The following PRKX variants were observed in gnomAD, a reference collection of about 807,000 sequenced individuals.
PRKX encodes the protein protein kinase cAMP-dependent X-linked catalytic subunit, also known as cAMP-dependent protein kinase catalytic subunit PRKX.
In PRKX, 12 loss-of-function variants were observed where a neutral mutation model predicts 22.0. The observed-to-expected ratio is 0.54, with a 90% confidence interval of 0.35 to 0.88. The LOEUF (loss-of-function observed/expected upper bound fraction) is 0.88, where lower values mean the gene tolerates loss of function less well. PRKX is among the 40% of genes least tolerant of loss of function. The pLI, the probability that PRKX is intolerant of heterozygous loss-of-function variation, is 0.01. For synonymous variants in PRKX, 134 were observed against 137.7 expected, an observed-to-expected ratio of 0.97 and a Z score of 0.19; for missense variants, 217 against 308.0, an observed-to-expected ratio of 0.70 and a Z score of 2.21.
chrX:3,706,391 A>G (rs755485354), intron 1 of PRKX, among the ~76,000 whole-genome samples: 55 of 111,013 alleles, frequency 5.0e-4, no homozygotes, highest in African/African-American at 1.7e-3. Context: ...GTAGTGCTAT[A>G]TTGTCCAGAC....
intron 3 of PRKX, 114 bp downstream of exon 3, chrX:3,655,035 A>C (rs1216129940): frequency 9.6e-7 from 1 of 1,037,319 alleles, no homozygotes; most frequent in African/African-American, 1.9e-5. Context: ...TGTCTCCTAC[A>C]CATGAGAGTT....
intron 3 of PRKX, among the ~76,000 whole-genome samples, chrX:3,653,289 G>A (rs549437830): frequency 1.5e-4 from 16 of 110,109 alleles, no homozygotes; most frequent in Non-Finnish European, 1.1e-4. Flanking sequence ...GCGAGAAGGC[G>A]CCGTCTACGA....
intron 1 of PRKX, among the ~76,000 whole-genome samples, chrX:3,688,566 C>G (rs1342771878): frequency 6.9e-5 from 6 of 86,742 alleles, no homozygotes; most frequent in African/African-American, 2.3e-4. Context: ...TGTTCCACAC[C>G]TATAGATGGG....
chrX:3,658,610 C>G (rs749498028), intron 2 of PRKX, among the ~76,000 whole-genome samples: 1 of 110,806 alleles, frequency 9.0e-6, no homozygotes, highest in South Asian at 3.9e-4. Context: ...TTGGAGAGGA[C>G]TCGGAAGACA....
At chrX:3,704,672 G>A (rs1928648275) in intron 1 of PRKX, among the ~76,000 whole-genome samples, 1 of 111,138 alleles carries the variant, frequency 9.0e-6, no homozygotes, top group South Asian at 3.8e-4. Context: ...AAAAAAAAAG[G>A]AGTGAGATAA....
intron 3 of PRKX, among the ~76,000 whole-genome samples, chrX:3,647,557 A>G (rs1218824766): frequency 9.4e-6 from 1 of 105,923 alleles, no homozygotes. Context: ...TTATATATGA[A>G]TATACTAAAA....
At chrX:3,617,548 A>G (rs769506497) in intron 6 of PRKX, among the ~76,000 whole-genome samples, 58 of 110,740 alleles carry the variant, frequency 5.2e-4, no homozygotes, top group African/African-American at 1.8e-3. Context: ...CGGGAGGCGG[A>G]GGTGGGAGGA....
At chrX:3,681,065 C>T (rs1474315312) in intron 1 of PRKX, among the ~76,000 whole-genome samples, 2 of 109,111 alleles carry the variant, frequency 1.8e-5, no homozygotes, top group Admixed American at 9.8e-5. Flanking sequence ...GAATGAAACC[C>T]TGTCTCCAAA....
At chrX:3,711,467 C>A (rs1258058202) in intron 1 of PRKX, among the ~76,000 whole-genome samples, 1 of 112,141 alleles carries the variant, frequency 8.9e-6, no homozygotes, top group Admixed American at 9.5e-5. Context: ...CCTCTGCCGC[C>A]CTCCTGCCCG....
intron 1 of PRKX, among the ~76,000 whole-genome samples, chrX:3,709,183 CAAAA>C (rs35004174): frequency 2.1e-5 from 1 of 47,632 alleles, no homozygotes. Flanking sequence ...GACCCTGTCT[CAAAA>C]AAAAAAAAAA....
chrX:3,699,643 G>T (rs151252274), intron 1 of PRKX, among the ~76,000 whole-genome samples: 2 of 112,128 alleles, frequency 1.8e-5, no homozygotes, highest in African/African-American at 6.5e-5. Flanking sequence ...AGTGAGCCAC[G>T]GCGCCCAGCC....
intron 1 of PRKX, among the ~76,000 whole-genome samples, chrX:3,677,149 G>T (rs1314044454): frequency 9.1e-6 from 1 of 110,494 alleles, no homozygotes. Context: ...TTGGTCAAAG[G>T]ATACAAAGTT....
chrX:3,649,098 T>A (rs1413144531), intron 3 of PRKX, among the ~76,000 whole-genome samples: 1 of 111,720 alleles, frequency 9.0e-6, no homozygotes, highest in Non-Finnish European at 1.9e-5. Context: ...AAGTCAATAC[T>A]TTTCCAGCAC....
intron 4 of PRKX, among the ~76,000 whole-genome samples, chrX:3,632,423 G>A (rs1025433237): frequency 3.6e-5 from 4 of 111,323 alleles, no homozygotes; most frequent in Non-Finnish European, 5.6e-5. Context: ...CAGTAGTTGG[G>A]GGAGTTGTAT....
At chrX:3,675,795 C>T (rs770556658) in intron 1 of PRKX, among the ~76,000 whole-genome samples, 16 of 111,602 alleles carry the variant, frequency 1.4e-4, no homozygotes, top group Non-Finnish European at 2.4e-4. Flanking sequence ...ATATTCTTCA[C>T]GTAGCATAAA....
rs1224085085 is a variant in PRKX at position 3,653,981 on chromosome X, TTA to T, written c.599+1166_599+1167del. Among the ~76,000 whole-genome samples, 8 of 79,222 alleles carry T rather than the reference TTA, an allele frequency of 1.0e-4. No homozygotes were observed. In the South Asian group the frequency reaches 1.6e-3, roughly 16 times the overall value. 68.8% of individuals were successfully genotyped at this position (79,222 alleles called of 115,157 possible). ...TATTATATACTATGTGATATATATATTATATATATTATATACTATGTGATATA... is the reference window on the plus strand; with the variant it reads ...TATTATATACTATGTGATATATATATTATATATTATATACTATGTGATATA... On this transcript the variant is annotated intron_variant, in intron 3 of 8. Transcript: ENST00000262848.
intron 2 of PRKX, among the ~76,000 whole-genome samples, chrX:3,663,869 G>A (rs1387745006): frequency 9.0e-6 from 1 of 111,036 alleles, no homozygotes; most frequent in East Asian, 2.9e-4. Context: ...GGTCAAGTGG[G>A]CGCACACATG....
chrX:3,642,289 T>A (rs1430704056), intron 3 of PRKX, among the ~76,000 whole-genome samples: 53 of 110,266 alleles, frequency 4.8e-4, no homozygotes, highest in African/African-American at 1.7e-3. Flanking sequence ...TTAGTATAAA[T>A]CATAAAGAAT....
rs928541649 is a variant in PRKX, at chrX:3,612,394, C to T, written c.952-69G>A. ...CGGGACACTTGGATGCTGCACACAC[C>T]GCTTTATTTCTGTCACTGTACCTAA... On this transcript the variant is annotated intron_variant, in intron 7 of 8. Transcript: ENST00000262848. The T allele has an allele frequency of 6.5e-5, 68 of 1,042,282 alleles. No homozygotes were observed. In the Admixed American group the frequency reaches 1.9e-3, roughly 29 times the overall value. The allele number at this position is 1,042,282 out of a possible 1,213,427, so 85.9% of individuals were successfully genotyped here. A position where few individuals can be genotyped will look rare whatever the true frequency, so the allele number is the denominator to read the frequency against.
Sources: allele counts gnomAD v4.1 joint callset (sites outside exome capture counted in the v4.1 genomes callset), GRCh38; gene constraint gnomAD v4.1.1; transcripts MANE v1.5; gene names NCBI Gene and HGNC (gene_info 2026-07-23, HGNC 2026-07-21).